The following CCDC171 variants were observed in gnomAD, a reference collection of about 807,000 sequenced individuals.
CCDC171 encodes the protein coiled-coil domain-containing protein 171.
CCDC171 carries 177 observed loss-of-function variants against 168.2 expected under a neutral mutation model. The observed-to-expected ratio is 1.05, with a 90% CI of 0.93 to 1.19. The LOEUF is 1.19. Ranked by LOEUF, CCDC171 falls within the 50% of genes most tolerant of loss-of-function variation. The pLI, the probability that CCDC171 is intolerant of heterozygous loss-of-function variation, is 0.00. For missense variants in CCDC171, 1,991 were observed against 1,539.0 expected, an observed-to-expected ratio of 1.29 and a Z score of -4.91; for synonymous variants, 687 against 540.8, an observed-to-expected ratio of 1.27 and a Z score of -3.75.
chr9:16,045,251 A>G (rs1332910852), intron 1 of CCDC171, among the ~76,000 whole-genome samples: 5 of 152,166 alleles, frequency 3.3e-5, no homozygotes, highest in Non-Finnish European at 4.4e-5. Flanking sequence ...AGAGGAGTGG[A>G]GAAATGAGAC....
intron 21 of CCDC171, among the ~76,000 whole-genome samples, chr9:15,827,914 A>G (rs1242259774): frequency 3.9e-5 from 6 of 152,186 alleles, no homozygotes; most frequent in African/African-American, 1.4e-4. Flanking sequence ...AGAATGAAGG[A>G]AAAGGATTCA....
intron 1 of CCDC171, among the ~76,000 whole-genome samples, chr9:16,053,318 C>T (rs1487423776): frequency 1.3e-5 from 2 of 152,246 alleles, no homozygotes; most frequent in African/African-American, 2.4e-5. Flanking sequence ...TGTGATGCAA[C>T]TTGCAACATT....
chr9:16,101,334 G>A, the CCDC171 span, among the ~76,000 whole-genome samples: 1 of 152,160 alleles, frequency 6.6e-6, no homozygotes, highest in African/African-American at 2.4e-5. Context: ...TAATTAAAAT[G>A]TATTGTTTAT....
At chr9:16,021,168 A>G (rs994420874) in intron 4 of CCDC171, among the ~76,000 whole-genome samples, 9 of 152,074 alleles carry the variant, frequency 5.9e-5, no homozygotes, top group Admixed American at 3.9e-4. Flanking sequence ...GCGCACTGCA[A>G]CCTCCGCCTC....
At chr9:15,797,424 C>T (rs746378887) in intron 21 of CCDC171, among the ~76,000 whole-genome samples, 1 of 152,070 alleles carries the variant, frequency 6.6e-6, no homozygotes, top group Non-Finnish European at 1.5e-5. Context: ...CCATGTTGCC[C>T]AGGCTGGTCT....
intron 25 of CCDC171, among the ~76,000 whole-genome samples, chr9:15,923,064 T>G (rs551741642): frequency 6.6e-6 from 1 of 151,648 alleles, no homozygotes; most frequent in Non-Finnish European, 1.5e-5. Flanking sequence ...TTTAGTTTGA[T>G]TTAATCGCAT....
At position 15,741,356 on chromosome 9, in the gene CCDC171, G is replaced by A. The variant is rs184815027; in HGVS notation, c.2050-2917G>A. On this transcript the variant is annotated intron_variant, in intron 16 of 25. Coordinates refer to ENST00000380701, the MANE Select transcript of CCDC171 (RefSeq NM_173550.4). The stretch of plus-strand genomic sequence containing the variant: ...TTCTGTGTCTATAAATTTTCCTAGT[G>A]TGTATATTTTGTATAAATGGAGTCA... Among the ~76,000 whole-genome samples the A allele has an allele frequency of 2.4e-4, 37 of 152,218 alleles. No homozygotes were observed. In the East Asian group the frequency reaches 6.4e-3, roughly 26 times the overall value.
chr9:16,010,897 C>T (rs1457047363), intron 3 of CCDC171, among the ~76,000 whole-genome samples: 2 of 152,050 alleles, frequency 1.3e-5, no homozygotes, highest in African/African-American at 4.8e-5. Context: ...AGGATGAGGT[C>T]CCCAGGGATA....
At chr9:15,586,043 T>A (rs745643155) in intron 4 of CCDC171, among the ~76,000 whole-genome samples, 4 of 152,288 alleles carry the variant, frequency 2.6e-5, no homozygotes, top group Admixed American at 2.6e-4. Context: ...AGATGTACAT[T>A]TTATCTGTAA....
intron 1 of CCDC171, among the ~76,000 whole-genome samples, chr9:16,052,935 A>G (rs1833774944): frequency 6.6e-6 from 1 of 151,828 alleles, no homozygotes; most frequent in South Asian, 2.1e-4. Flanking sequence ...GTTCAGCCAC[A>G]TTTAAGTCCA....
chr9:15,730,249 G>A (rs186566984), intron 16 of CCDC171, among the ~76,000 whole-genome samples: 54 of 151,728 alleles, frequency 3.6e-4, no homozygotes, highest in African/African-American at 1.3e-3. Flanking sequence ...ATTATATAAG[G>A]TTATATTATA....
At chr9:15,622,004 A>G (rs1372506704) in intron 6 of CCDC171, among the ~76,000 whole-genome samples, 1 of 152,222 alleles carries the variant, frequency 6.6e-6, no homozygotes, top group African/African-American at 2.4e-5. Context: ...GCTGGAGGCC[A>G]TTATCTTTAG....
intron 3 of CCDC171, among the ~76,000 whole-genome samples, chr9:15,994,195 A>T (rs943256437): frequency 6.6e-6 from 1 of 152,246 alleles, no homozygotes; most frequent in East Asian, 1.9e-4. Context: ...CCTAATGTCC[A>T]TCAATGATAG....
intron 6 of CCDC171, among the ~76,000 whole-genome samples, chr9:15,619,714 A>AT (rs1372635095): frequency 2.6e-5 from 4 of 152,334 alleles, no homozygotes; most frequent in African/African-American, 9.6e-5. Context: ...TAAACAACAG[A>AT]TTTTCATTGC....
At chr9:15,566,704 C>G (rs1429963033) in intron 2 of CCDC171, among the ~76,000 whole-genome samples, 2 of 152,052 alleles carry the variant, frequency 1.3e-5, no homozygotes, top group Non-Finnish European at 2.9e-5. Flanking sequence ...AGTTCTTTTC[C>G]TATAGGAGTT....
At chr9:15,931,309 T>G (rs1055380885) in intron 25 of CCDC171, among the ~76,000 whole-genome samples, 2 of 151,854 alleles carry the variant, frequency 1.3e-5, no homozygotes, top group African/African-American at 4.8e-5. Context: ...TATCTCATTG[T>G]GGTTTTGATT....
chr9:15,969,207 C>T (rs370617471), intron 25 of CCDC171, among the ~76,000 whole-genome samples: 60 of 152,038 alleles, frequency 3.9e-4, no homozygotes, highest in Non-Finnish European at 8.4e-4. Context: ...TGCTTTCAGA[C>T]GACATAGTGG....
At chr9:16,100,719 G>A in the CCDC171 span, among the ~76,000 whole-genome samples, 1 of 152,186 alleles carries the variant, frequency 6.6e-6, no homozygotes, top group Non-Finnish European at 1.5e-5. Context: ...CAGCTGCGAG[G>A]AGAGCCAAGC....
chr9:16,012,895 G>A (rs1234176703), intron 3 of CCDC171, among the ~76,000 whole-genome samples: 1 of 152,136 alleles, frequency 6.6e-6, no homozygotes, highest in African/African-American at 2.4e-5. Flanking sequence ...AGCATCTTGG[G>A]AACTCCTAAA....
Sources: allele counts gnomAD v4.1 joint callset (sites outside exome capture counted in the v4.1 genomes callset), GRCh38; gene constraint gnomAD v4.1.1; transcripts MANE v1.5; gene names NCBI Gene and HGNC (gene_info 2026-07-23, HGNC 2026-07-21).